The following BCL2L13 variants were observed in gnomAD, a reference collection of about 807,000 sequenced individuals.
BCL2L13 encodes the protein BCL2 like 13, also known as bcl-2-like protein 13.
BCL2L13 carries 13 observed loss-of-function variants against 25.8 expected under a neutral mutation model. The ratio of observed to expected loss-of-function variants is 0.50; its 90% CI spans 0.33 to 0.80. The LOEUF is 0.80. BCL2L13 is among the 30% of genes least tolerant of loss of function. BCL2L13 has a pLI of 0.02. For synonymous variants in BCL2L13, 244 were observed against 230.3 expected (o/e 1.06, Z -0.54); for missense variants, 504 against 574.9 (o/e 0.88, Z 1.26).
intron 1 of BCL2L13, among the ~76,000 whole-genome samples, chr22:17,653,959 G>A (rs2058767422): frequency 6.6e-6 from 1 of 151,766 alleles, no homozygotes; most frequent in Non-Finnish European, 1.5e-5. Flanking sequence ...TTTGTTATAA[G>A]TATTTTTGGT....
At chr22:17,700,145 A>G (rs570142460) in intron 5 of BCL2L13, among the ~76,000 whole-genome samples, 2 of 152,298 alleles carry the variant, frequency 1.3e-5, no homozygotes, top group African/African-American at 4.8e-5. Context: ...GTTTCAAGAA[A>G]GATACTGGAA....
chr22:17,632,905 C>T (rs1030896891), intron 1 of BCL2L13, among the ~76,000 whole-genome samples: 6 of 151,932 alleles, frequency 3.9e-5, no homozygotes, highest in African/African-American at 1.5e-4. Context: ...AGGCATGTGC[C>T]ACCATGCCCA....
At chr22:17,652,410 C>A (rs1418092975) in intron 1 of BCL2L13, among the ~76,000 whole-genome samples, 1 of 152,076 alleles carries the variant, frequency 6.6e-6, no homozygotes, top group Non-Finnish European at 1.5e-5. Context: ...AATATAACAA[C>A]TATTTTATGT....
Position 17,702,293 on chromosome 22 carries a change from ACGTGGTCAAGAACCTTTGAG to A in BCL2L13, c.510_529del (p.Gly171ThrfsTer28). 6.2e-7 allele frequency: 1 copy of A among 1,612,116 alleles called. No individual in the cohort carries two copies. Among genetic ancestry groups the A allele is most frequent in the Non-Finnish European group, 8.5e-7 (1 of 1,179,022 alleles). On this transcript the variant is annotated frameshift_variant, in exon 6 of 7. Transcript: ENST00000317582. LOFTEE classifies it high-confidence loss of function. ...GACAAATGCTTTTGGAATTGACAAG[ACGTGGTCAAGAACCTTTGAG>A]CGCACTGCTGCAGTTTGGCGTGACA... is the stretch of plus-strand genomic sequence containing the variant.
chr22:17,663,773 AC>A (rs1205354066), intron 2 of BCL2L13, among the ~76,000 whole-genome samples: 2 of 119,402 alleles, frequency 1.7e-5, no homozygotes, highest in African/African-American at 6.8e-5. Flanking sequence ...TGCAACCTCC[AC>A]CCGCCTAGTT....
At chr22:17,645,384 G>C in intron 1 of BCL2L13, among the ~76,000 whole-genome samples, 1 of 150,282 alleles carries the variant, frequency 6.7e-6, no homozygotes, top group Admixed American at 6.6e-5. Flanking sequence ...ATCACGCCTG[G>C]CTAATTTTTT....
intron 5 of BCL2L13, among the ~76,000 whole-genome samples, chr22:17,701,530 G>A (rs2060434744): frequency 6.6e-6 from 1 of 152,190 alleles, no homozygotes; most frequent in African/African-American, 2.4e-5. Context: ...AAATTGTGGT[G>A]ATTGGGTAGT....
chr22:17,695,534 A>T (rs2060239136), intron 4 of BCL2L13, among the ~76,000 whole-genome samples: 1 of 152,086 alleles, frequency 6.6e-6, no homozygotes. Flanking sequence ...GTTGGCCAGG[A>T]TAGTCTTGAT....
Position 17,648,709 on chromosome 22 carries a change from A to G in BCL2L13, c.-50-6953A>G, listed in dbSNP as rs543393252. On this transcript the variant is annotated intron_variant, in intron 1 of 6. Coordinates refer to ENST00000317582, the MANE Select transcript of BCL2L13 (RefSeq NM_015367.4). ...TAGATATATGGGCTTTAGCATATAT[A>G]CTAGAGTTAAAGGTGGAAGATGATG... Among the ~76,000 whole-genome samples, 4 of 152,242 alleles carry G rather than the reference A, an allele frequency of 2.6e-5. No homozygotes were observed. In the South Asian group the frequency reaches 6.2e-4, roughly 24 times the overall value.
At chr22:17,726,649 A>G (rs761210010) in intron 6 of BCL2L13, 28 bp from the exon 7 acceptor site, 6 of 1,586,442 alleles carry the variant, frequency 3.8e-6, no homozygotes, top group Non-Finnish European at 5.2e-6. Flanking sequence ...ACCATTCTTT[A>G]TTATTGACGC....
In BCL2L13 at chr22:17,727,175, G is replaced by A; in HGVS notation, c.1099G>A (p.Val367Ile). The A allele has an allele frequency of 6.2e-7, 1 of 1,614,238 alleles. No individual in the cohort carries two copies. Among genetic ancestry groups the A allele is most frequent in the Non-Finnish European group, 8.5e-7 (1 of 1,180,050 alleles). ...GGAACCTGACACAGAAGTGATCACAGTTGAGAAATCCAGCCCTGCTACATC... is the reference window on the plus strand; with the variant it reads ...GGAACCTGACACAGAAGTGATCACAATTGAGAAATCCAGCCCTGCTACATC... ...TREPDTEVIT[V>I]EKSSPATSLF... Residue 367 changes from valine to isoleucine, a missense_variant, in exon 7 of 7, where the codon GTT becomes ATT. By Grantham distance (29) the Val-to-Ile change is conservative. Coordinates refer to ENST00000317582, the MANE Select transcript of BCL2L13 (RefSeq NM_015367.4).
chr22:17,674,108 T>C (rs2146645823), intron 2 of BCL2L13, among the ~76,000 whole-genome samples: 1 of 152,284 alleles, frequency 6.6e-6, no homozygotes, highest in South Asian at 2.1e-4. Context: ...TATTTTTAAG[T>C]GTTAAACTTT....
chr22:17,708,342 T>G (rs928479632), intron 6 of BCL2L13, among the ~76,000 whole-genome samples: 3 of 152,186 alleles, frequency 2.0e-5, no homozygotes, highest in African/African-American at 7.2e-5. Flanking sequence ...GACAGCATAG[T>G]TGGTAAAAAT....
Position 17,688,457 on chromosome 22 carries a change from A to T in BCL2L13, c.230-529A>T, listed in dbSNP as rs537863277. ...AAAATCTTAAAAACAGAATTTTAAGAGAAGGATAATAGAGCCAGGAATTGC... is the reference window on the plus strand; with the variant it reads ...AAAATCTTAAAAACAGAATTTTAAGTGAAGGATAATAGAGCCAGGAATTGC... On this transcript the variant is annotated intron_variant, in intron 3 of 6. Coordinates refer to ENST00000317582, the MANE Select transcript of BCL2L13 (RefSeq NM_015367.4). 3.8e-4 allele frequency among the ~76,000 whole-genome samples: 58 copies of T among 152,346 alleles called. No homozygotes were observed. The South Asian group carries it at 0.012, about 30-fold the overall frequency.
At position 17,668,535 on chromosome 22, in the gene BCL2L13, C is replaced by T. The variant is rs899690599; in HGVS notation, c.121+12703C>T. On this transcript the variant is annotated intron_variant, in intron 2 of 6. Coordinates refer to ENST00000317582, the MANE Select transcript of BCL2L13 (RefSeq NM_015367.4). ...TGGTGCTGTCTCAGCTCACTGCAACCTCCACCTTCCTGGGTTCAAGCAATT... is the reference window on the plus strand; with the variant it reads ...TGGTGCTGTCTCAGCTCACTGCAACTTCCACCTTCCTGGGTTCAAGCAATT... Among the ~76,000 whole-genome samples the T allele has an allele frequency of 4.0e-5, 6 of 151,558 alleles. No individual in the cohort carries two copies. In the Middle Eastern group the frequency reaches 0.01, roughly 260 times the overall value.
intron 2 of BCL2L13, among the ~76,000 whole-genome samples, chr22:17,675,492 A>G (rs2059551581): frequency 6.6e-6 from 1 of 152,204 alleles, no homozygotes; most frequent in South Asian, 2.1e-4. Flanking sequence ...ATAGAGGGCT[A>G]ACTTTTTTCA....
rs1483719924 is a variant in BCL2L13, at chr22:17,638,782, G to A, written c.-155G>A. On this transcript the variant is annotated 5_prime_UTR_variant, in exon 1 of 7. Transcript: ENST00000317582. Reference sequence around the variant, plus strand: ...ACCCTCCAACATGGCGGCGGCGGTAGATTAGGGCCGCGGGTCGGAGCACTC... The same window carrying A: ...ACCCTCCAACATGGCGGCGGCGGTAAATTAGGGCCGCGGGTCGGAGCACTC... The A allele has an allele frequency of 2.4e-6, 3 of 1,231,660 alleles. No homozygotes were observed. The highest frequency in any genetic ancestry group is 1.6e-5 in the African/African-American group (1 of 64,440). The allele number at this position is 1,231,660 out of a possible 1,614,324, so 76.3% of individuals were successfully genotyped here. A position where few individuals can be genotyped will look rare whatever the true frequency, so the allele number is the denominator to read the frequency against.
At chr22:17,640,610 A>G (rs894948763) in intron 1 of BCL2L13, among the ~76,000 whole-genome samples, 4 of 151,966 alleles carry the variant, frequency 2.6e-5, no homozygotes, top group African/African-American at 9.7e-5. Context: ...TAATCCCAGC[A>G]CTTTGGGAGG....
At chr22:17,687,055 C>T (rs544423722) in intron 3 of BCL2L13, among the ~76,000 whole-genome samples, 16 of 152,118 alleles carry the variant, frequency 1.1e-4, no homozygotes, top group African/African-American at 3.6e-4. Flanking sequence ...GCATCTTTCT[C>T]GGAGGCAAGC....
Sources: gnomAD v4.1 joint callset for allele counts (sites outside exome capture counted in the v4.1 genomes callset) on GRCh38, gnomAD v4.1.1 for gene constraint, MANE v1.5 for transcripts, NCBI Gene and HGNC (gene_info 2026-07-23, HGNC 2026-07-21) for gene names.